Variants in MACROD2 observed in about 807,000 individuals in gnomAD.
MACROD2 encodes ADP-ribose glycohydrolase MACROD2.
MACROD2 carries 36 observed loss-of-function variants against 70.4 expected under a neutral mutation model. The observed-to-expected ratio is 0.51, with a 90% CI of 0.39 to 0.68. The LOEUF is 0.68. MACROD2 is among the 30% of genes least tolerant of loss of function. The pLI is 0.00. For missense variants in MACROD2, 496 were observed against 538.4 expected, an observed-to-expected ratio of 0.92 and a Z score of 0.78; for synonymous variants, 172 against 178.8, an observed-to-expected ratio of 0.96 and a Z score of 0.30.
intron 5 of MACROD2, among the ~76,000 whole-genome samples, chr20:15,213,497 G>A (rs576794474): frequency 6.6e-6 from 1 of 152,030 alleles, no homozygotes; most frequent in African/African-American, 2.4e-5. Flanking sequence ...CCAAAGAATT[G>A]TTTTTGTAGG....
intron 5 of MACROD2, among the ~76,000 whole-genome samples, chr20:15,105,236 C>G (rs2075902057): frequency 6.6e-6 from 1 of 152,086 alleles, no homozygotes; most frequent in Admixed American, 6.5e-5. Flanking sequence ...TGTCTTGGCT[C>G]TATTTGTAAA....
intron 3 of MACROD2, among the ~76,000 whole-genome samples, chr20:14,312,138 C>G (rs1377890561): frequency 6.6e-6 from 1 of 152,122 alleles, no homozygotes; most frequent in Non-Finnish European, 1.5e-5. Context: ...TCAACTGACT[C>G]AGGGATTCTT....
chr20:14,384,456 T>A (rs952363807), intron 3 of MACROD2, among the ~76,000 whole-genome samples: 1 of 149,296 alleles, frequency 6.7e-6, no homozygotes, highest in African/African-American at 2.5e-5. Flanking sequence ...AATACAAATG[T>A]TTTGTTTCCA....
In MACROD2 at chr20:15,612,373, G is replaced by C. The variant is rs369464413; in HGVS notation, c.645+112526G>C. Among the ~76,000 whole-genome samples, 112 of 152,280 alleles carry C rather than the reference G, an allele frequency of 7.4e-4. 2 individuals are homozygous for C. The South Asian group carries it at 0.021, about 29-fold the overall frequency. On this transcript the variant is annotated intron_variant, in intron 8 of 17. Transcript: ENST00000684519. ...CTGGGAGATAATGGTCCCTGATGCTGTTCCACATCCTCACTTTTAGCTAAC... is the reference window on the plus strand; with the variant it reads ...CTGGGAGATAATGGTCCCTGATGCTCTTCCACATCCTCACTTTTAGCTAAC...
intron 5 of MACROD2, among the ~76,000 whole-genome samples, chr20:15,168,640 T>G (rs751972011): frequency 6.6e-6 from 1 of 152,030 alleles, no homozygotes; most frequent in Non-Finnish European, 1.5e-5. Flanking sequence ...GGCAGATGAA[T>G]GGATAAACAA....
intron 6 of MACROD2, among the ~76,000 whole-genome samples, chr20:15,246,190 A>G (rs905981485): frequency 2.0e-5 from 3 of 152,302 alleles, no homozygotes; most frequent in Admixed American, 6.5e-5. Context: ...CTGTTAGTAT[A>G]TTGGTATTTT....
At chr20:14,712,799 T>C (rs1239251728) in intron 5 of MACROD2, among the ~76,000 whole-genome samples, 3 of 152,220 alleles carry the variant, frequency 2.0e-5, no homozygotes, top group Admixed American at 1.3e-4. Context: ...GAGAATACAA[T>C]AGGAGGATTA....
intron 4 of MACROD2, among the ~76,000 whole-genome samples, chr20:14,596,724 A>C (rs1982167510): frequency 1.3e-5 from 2 of 152,156 alleles, no homozygotes; most frequent in Admixed American, 6.6e-5. Context: ...TTGATATTAC[A>C]CCTGCTAGCT....
At chr20:15,144,060 G>A (rs988024758) in intron 5 of MACROD2, among the ~76,000 whole-genome samples, 3 of 150,584 alleles carry the variant, frequency 2.0e-5, no homozygotes, top group Non-Finnish European at 4.4e-5. Context: ...CGTGGGCCGC[G>A]GGTTGGACGG....
At chr20:14,250,570 C>A (rs917023044) in intron 3 of MACROD2, among the ~76,000 whole-genome samples, 49 of 152,280 alleles carry the variant, frequency 3.2e-4, no homozygotes, top group African/African-American at 1.2e-3. Context: ...TAGAAAATGG[C>A]AGTTTATCTG....
At chr20:14,450,438 G>A (rs1366077059) in intron 3 of MACROD2, among the ~76,000 whole-genome samples, 14 of 152,076 alleles carry the variant, frequency 9.2e-5, no homozygotes, top group Admixed American at 9.2e-4. Flanking sequence ...AGTGAGAGAC[G>A]CTTATCACCT....
chr20:15,808,300 A>T (rs541947957), intron 8 of MACROD2, among the ~76,000 whole-genome samples: 2 of 152,212 alleles, frequency 1.3e-5, no homozygotes, highest in Non-Finnish European at 2.9e-5. Flanking sequence ...AAAATAAAGA[A>T]ACTGAACTTC....
chr20:14,568,434 C>G (rs1419464230), intron 4 of MACROD2, among the ~76,000 whole-genome samples: 2 of 151,932 alleles, frequency 1.3e-5, no homozygotes, highest in Non-Finnish European at 2.9e-5. Flanking sequence ...TTGACAGTAC[C>G]TTTTAACATC....
intron 5 of MACROD2, among the ~76,000 whole-genome samples, chr20:14,788,761 G>A (rs1476084113): frequency 1.2e-3 from 122 of 102,578 alleles, no homozygotes; most frequent in African/African-American, 3.8e-3. Context: ...ACTAGTGGTG[G>A]TGTTTTTTTT....
intron 8 of MACROD2, among the ~76,000 whole-genome samples, chr20:15,628,284 A>C (rs555075212): frequency 1.3e-5 from 2 of 152,348 alleles, no homozygotes; most frequent in East Asian, 3.9e-4. Flanking sequence ...AACCAAATAA[A>C]TAGGTCAGCC....
chr20:15,206,150 C>T (rs917434792), intron 5 of MACROD2, among the ~76,000 whole-genome samples: 2 of 152,014 alleles, frequency 1.3e-5, no homozygotes, highest in Admixed American at 6.5e-5. Context: ...TTTAAAAAAA[C>T]TTTCAAACTA....
chr20:15,526,517 A>G (rs2047724087), intron 8 of MACROD2, among the ~76,000 whole-genome samples: 1 of 152,204 alleles, frequency 6.6e-6, no homozygotes, highest in African/African-American at 2.4e-5. Flanking sequence ...AGAGAGAAAA[A>G]GGAGACTGAA....
At chr20:14,524,286 T>C (rs972078575) in intron 4 of MACROD2, among the ~76,000 whole-genome samples, 11 of 152,212 alleles carry the variant, frequency 7.2e-5, no homozygotes, top group Non-Finnish European at 1.6e-4. Flanking sequence ...GTCTTTCACC[T>C]TAAGGATTCA....
At chr20:14,828,110 T>C (rs945475383) in intron 5 of MACROD2, among the ~76,000 whole-genome samples, 1 of 152,142 alleles carries the variant, frequency 6.6e-6, no homozygotes, top group Non-Finnish European at 1.5e-5. Flanking sequence ...TAGTTGATAT[T>C]CTTTCAGAAT....
Sources: gnomAD v4.1 joint callset for allele counts (sites outside exome capture counted in the v4.1 genomes callset) on GRCh38, gnomAD v4.1.1 for gene constraint, MANE v1.5 for transcripts, NCBI Gene and HGNC (gene_info 2026-07-23, HGNC 2026-07-21) for gene names.